Variants in YWHAE observed in about 807,000 individuals in gnomAD.
YWHAE encodes tyrosine 3-monooxygenase/tryptophan 5-monooxygenase activation protein epsilon.
A neutral mutation model predicts 30.1 loss-of-function variants in YWHAE; 4 were observed. The ratio of observed to expected loss-of-function variants is 0.13; its 90% CI spans 0.07 to 0.30. The LOEUF (loss-of-function observed/expected upper bound fraction) is 0.30, where lower values mean the gene tolerates loss of function less well. Among genes scored for constraint, YWHAE ranks in the 10% least tolerant of loss-of-function variants. YWHAE has a pLI of 1.00. For synonymous variants in YWHAE, 118 were observed against 111.8 expected (o/e 1.06, Z -0.35); for missense variants, 121 against 315.9 (o/e 0.38, Z 4.68).
intron 4 of YWHAE, among the ~76,000 whole-genome samples, chr17:1,357,180 G>A (rs1225966102): frequency 1.3e-5 from 2 of 151,732 alleles, no homozygotes; most frequent in Non-Finnish European, 2.9e-5. Context: ...GAGGCGGGTG[G>A]ATCACGAGGT....
chr17:1,353,343 T>G (rs1308352103), intron 5 of YWHAE, among the ~76,000 whole-genome samples: 1 of 142,800 alleles, frequency 7.0e-6, no homozygotes, highest in African/African-American at 2.7e-5. Flanking sequence ...GAGACTGAGG[T>G]GGGAGAATGG....
At chr17:1,380,513 TGA>T (rs1336639741) in intron 1 of YWHAE, among the ~76,000 whole-genome samples, 1 of 152,180 alleles carries the variant, frequency 6.6e-6, no homozygotes, top group South Asian at 2.1e-4. Flanking sequence ...CCCTGAGTTA[TGA>T]GAGTTTAAAA....
chr17:1,359,935 G>GAA lies in YWHAE; in HGVS notation c.578+1156_578+1157insTT. On this transcript the variant is annotated intron_variant, in intron 4 of 5. Transcript: ENST00000264335. ...GGAGACGGGGAGGGGGAGGGGGGGA[G>GAA]GAGGGGGAGGGGGGGAGAGAGGGGG... 1.7e-4 allele frequency among the ~76,000 whole-genome samples: 5 copies of GAA among 29,098 alleles called. No individual in the cohort carries two copies. In the South Asian group the frequency reaches 7.7e-3, roughly 45 times the overall value. 19.1% of individuals were successfully genotyped at this position (29,098 alleles called of 152,430 possible). A position where few individuals can be genotyped will look rare whatever the true frequency, so the allele number is the denominator to read the frequency against.
chr17:1,395,244 T>G (rs556078027), intron 1 of YWHAE, among the ~76,000 whole-genome samples: 1 of 151,612 alleles, frequency 6.6e-6, no homozygotes, highest in East Asian at 1.9e-4. Flanking sequence ...AACACAAAAA[T>G]TGGCTGGGTG....
chr17:1,367,638 C>T (rs751443574), intron 1 of YWHAE, among the ~76,000 whole-genome samples: 2 of 151,804 alleles, frequency 1.3e-5, no homozygotes, highest in Non-Finnish European at 2.9e-5. Flanking sequence ...GATGACAAAG[C>T]GAGAGACTCT....
At chr17:1,355,351 G>C (rs886117425) in intron 4 of YWHAE, among the ~76,000 whole-genome samples, 1 of 150,786 alleles carries the variant, frequency 6.6e-6, no homozygotes, top group African/African-American at 2.4e-5. Context: ...AGCAGAGGCA[G>C]GGTTTCACCG....
chr17:1,370,392 A>C (rs574351866), intron 1 of YWHAE, among the ~76,000 whole-genome samples: 4 of 151,616 alleles, frequency 2.6e-5, no homozygotes, highest in East Asian at 2.0e-4. Flanking sequence ...TGGCCTCCCA[A>C]AGTGCTGGGA....
chr17:1,362,017 A>C lies in YWHAE; in HGVS notation c.265-9T>G. Reference sequence around the variant, plus strand: ...TTTAGCTCAGTCTCAACCTAAAAAAAAAAAAATTTTTTTTAAATCAGATTA... The same window carrying C: ...TTTAGCTCAGTCTCAACCTAAAAAACAAAAAATTTTTTTTAAATCAGATTA... On this transcript the variant is annotated splice_polypyrimidine_tract_variant and intron_variant, in intron 2 of 5. Coordinates refer to ENST00000264335, the MANE Select transcript of YWHAE (RefSeq NM_006761.5). 3.9e-6 allele frequency: 6 copies of C among 1,536,924 alleles called. No individual in the cohort carries two copies. Among genetic ancestry groups the C allele is most frequent in the East Asian group, 2.3e-5 (1 of 43,136 alleles).
chr17:1,366,212 A>G (rs2072939612), intron 1 of YWHAE, among the ~76,000 whole-genome samples: 3 of 148,418 alleles, frequency 2.0e-5, no homozygotes, highest in Admixed American at 1.3e-4. Flanking sequence ...CTCCACCTCA[A>G]AAAAAAAAAA....
chr17:1,381,199 G>A (rs984483843), intron 1 of YWHAE, among the ~76,000 whole-genome samples: 3 of 152,140 alleles, frequency 2.0e-5, no homozygotes, highest in African/African-American at 2.4e-5. Flanking sequence ...CCAACATGGC[G>A]AAACCCCACC....
chr17:1,391,740 G>C (rs1017949360), intron 1 of YWHAE, among the ~76,000 whole-genome samples: 7 of 152,054 alleles, frequency 4.6e-5, no homozygotes, highest in African/African-American at 1.7e-4. Flanking sequence ...ACTTTGGGGA[G>C]GCCACAGTGG....
Position 1,380,827 on chromosome 17 carries a change from A to T in YWHAE, c.65-15769T>A, listed in dbSNP as rs180711358. Among the ~76,000 whole-genome samples, 7 of 152,166 alleles carry T rather than the reference A, an allele frequency of 4.6e-5. No individual in the cohort carries two copies. In the East Asian group the frequency reaches 1.4e-3, roughly 29 times the overall value. ...TTTGGTAACATATCCAAAGAACCTC[A>T]CTCTCCCAACATCCAAATCTTATCC... On this transcript the variant is annotated intron_variant, in intron 1 of 5. Transcript: ENST00000264335.
chr17:1,361,644 T>A, intron 3 of YWHAE: 1 of 448,448 alleles, frequency 2.2e-6, no homozygotes, highest in Non-Finnish European at 3.9e-6. Flanking sequence ...TGTCTATATA[T>A]AACACTAAGC....
chr17:1,383,723 G>C (rs1567979846), intron 1 of YWHAE, among the ~76,000 whole-genome samples: 1 of 152,014 alleles, frequency 6.6e-6, no homozygotes, highest in Non-Finnish European at 1.5e-5. Context: ...CAAGTTTTTA[G>C]TTAAATTTTG....
intron 3 of YWHAE, 45 bp downstream of exon 3, chr17:1,361,857 G>T: frequency 1.5e-6 from 2 of 1,339,754 alleles, no homozygotes; most frequent in South Asian, 1.4e-5. Flanking sequence ...GTTCTAAAAG[G>T]ACCAACTTTC....
intron 1 of YWHAE, among the ~76,000 whole-genome samples, chr17:1,370,709 T>C (rs955957873): frequency 5.3e-5 from 8 of 151,900 alleles, no homozygotes; most frequent in Non-Finnish European, 8.8e-5. Flanking sequence ...AAAAACAACA[T>C]TGCAGGCTGG....
chr17:1,371,861 CAG>C (rs952588696), intron 1 of YWHAE, among the ~76,000 whole-genome samples: 7 of 135,634 alleles, frequency 5.2e-5, no homozygotes, highest in Admixed American at 3.3e-4. Context: ...TTTTTTGAGA[CAG>C]AATTTCACTT....
intron 4 of YWHAE, among the ~76,000 whole-genome samples, chr17:1,358,303 G>C (rs1046667968): frequency 6.6e-6 from 1 of 152,070 alleles, no homozygotes; most frequent in South Asian, 2.1e-4. Flanking sequence ...GCAGTGGCGT[G>C]ATCTTGGCTC....
At chr17:1,366,519 G>A (rs964464858) in intron 1 of YWHAE, among the ~76,000 whole-genome samples, 1 of 152,078 alleles carries the variant, frequency 6.6e-6, no homozygotes, top group Non-Finnish European at 1.5e-5. Flanking sequence ...GGGCAACAGA[G>A]CAGACTCCAT....
Sources: gnomAD v4.1 joint callset for allele counts (sites outside exome capture counted in the v4.1 genomes callset) on GRCh38, gnomAD v4.1.1 for gene constraint, MANE v1.5 for transcripts, NCBI Gene and HGNC (gene_info 2026-07-23, HGNC 2026-07-21) for gene names.